EXO1: variants seen among roughly 807,000 people sequenced by gnomAD.
The protein encoded by EXO1 is exonuclease 1.
Under a neutral mutation model 84.5 loss-of-function variants are expected in EXO1, and 69 were observed. That is an observed-to-expected ratio of 0.82 (90% confidence interval 0.67 to 1.00). The LOEUF (loss-of-function observed/expected upper bound fraction) is 1.00. Ranked by LOEUF, EXO1 falls within the 50% of genes least tolerant of loss-of-function variation. The probability of loss-of-function intolerance (pLI) is 0.00; values close to 1 mark genes in which losing one functional copy is unlikely to be tolerated. For synonymous variants in EXO1, 373 were observed against 366.1 expected (o/e 1.02, Z -0.21); for missense variants, 1,045 against 1,000.7 (o/e 1.04, Z -0.60).
chr1:241,868,963 G>A (rs547169302), intron 11 of EXO1, among the ~76,000 whole-genome samples: 3 of 152,156 alleles, frequency 2.0e-5, no homozygotes, highest in East Asian at 1.9e-4. Context: ...CTCACGTCAC[G>A]TATTAGTTCT....
chr1:241,849,148 T>C lies in EXO1; in HGVS notation c.-86T>C, dbSNP rs1660509713. The C allele has an allele frequency of 6.6e-6, 1 of 152,088 alleles. No homozygotes were observed. The highest frequency in any genetic ancestry group is 1.5e-5 in the Non-Finnish European group (1 of 68,028). 9.4% of individuals were successfully genotyped at this position (152,088 alleles called of 1,614,324 possible). On this transcript the variant is annotated 5_prime_UTR_variant, in exon 3 of 16. Transcript: ENST00000366548. The stretch of plus-strand genomic sequence containing the variant: ...CCCAGTCACTGAGTGGAGTTGAGAG[T>C]CTAAGAACCTCTGAAATTTGAGAAC...
At chr1:241,864,125 C>A (rs1420462124) in intron 10 of EXO1, among the ~76,000 whole-genome samples, 1 of 151,998 alleles carries the variant, frequency 6.6e-6, no homozygotes, top group Non-Finnish European at 1.5e-5. Flanking sequence ...TTGAAGGGGC[C>A]CCGAAAAGCT....
rs552339018 is a variant in EXO1, at chr1:241,869,429, A to G, written c.1267+2374A>G. On this transcript the variant is annotated intron_variant, in intron 11 of 15. Coordinates refer to ENST00000366548, the MANE Select transcript of EXO1 (RefSeq NM_130398.4). ...GATGTTTAAAATGAAAAGAATGATT[A>G]TAATTGCTTCCTTCTCTCTTAACTT... 1.2e-4 allele frequency among the ~76,000 whole-genome samples: 18 copies of G among 152,352 alleles called. No homozygotes were observed. In the South Asian group the frequency reaches 1.7e-3, roughly 14 times the overall value.
At chr1:241,867,156 A>G (rs1173676643) in intron 11 of EXO1, 101 bp downstream of exon 11, 19 of 878,462 alleles carry the variant, frequency 2.2e-5, no homozygotes, top group Middle Eastern at 4.4e-4. Context: ...GTTTTCTCCT[A>G]GAAGTTTTAT....
rs185790601 is a variant in EXO1, at chr1:241,886,433, G to T, written c.2405+926G>T. Among the ~76,000 whole-genome samples the T allele has an allele frequency of 6.9e-3, 1,043 of 152,084 alleles. 10 individuals are homozygous for T. Among genetic ancestry groups the T allele is most frequent in the Middle Eastern group, 0.034 (10 of 292 alleles). On this transcript the variant is annotated intron_variant, in intron 15 of 15. Transcript: ENST00000366548. The stretch of plus-strand genomic sequence containing the variant: ...AAAAGAAATGTGCTGTTTAATAAAA[G>T]TTTTTTTTAATTATATGGAATGATA...
chr1:241,861,372 A>G lies in EXO1; in HGVS notation c.945-34A>G, dbSNP rs1311318832. The G allele has an allele frequency of 3.8e-6, 4 of 1,059,540 alleles. No homozygotes were observed. The Admixed American group carries it at 6.8e-5, about 18-fold the overall frequency. The allele number at this position is 1,059,540 out of a possible 1,614,324, so 65.6% of individuals were successfully genotyped here. The stretch of plus-strand genomic sequence containing the variant: ...TATAATATCATTTGGTTGGTTGTTA[A>G]TAAATACATTTTTCCTTAATCTTGC... On this transcript the variant is annotated intron_variant, in intron 9 of 15. Transcript: ENST00000366548.
intron 7 of EXO1, among the ~76,000 whole-genome samples, chr1:241,858,072 A>T (rs1661164841): frequency 6.6e-6 from 1 of 152,216 alleles, no homozygotes; most frequent in Admixed American, 6.5e-5. Context: ...GGGAATAGGG[A>T]TGACTTGTTT....
chr1:241,878,085 C>G (rs186495784), intron 12 of EXO1, among the ~76,000 whole-genome samples: 10 of 152,338 alleles, frequency 6.6e-5, no homozygotes, highest in Middle Eastern at 3.4e-3. Context: ...CCTGCCCTCA[C>G]AGAGTTTATC....
Position 241,878,848 on chromosome 1 carries a change from T to C in EXO1, c.1614T>C (p.His538=). Residue 538 remains histidine, a synonymous_variant, in exon 13 of 16, where the codon CAT becomes CAC. Coordinates refer to ENST00000366548, the MANE Select transcript of EXO1 (RefSeq NM_130398.4). Reference sequence around the variant, plus strand: ...TCACAGATAAAGAGAACAATCTGCATGAATCAGAGTATGGAGACCAAGAAG... The same window carrying C: ...TCACAGATAAAGAGAACAATCTGCACGAATCAGAGTATGGAGACCAAGAAG... The part of the protein sequence containing the change: ...TAVTDKENNL[H]ESEYGDQEGK... 1 of 1,614,070 alleles carries C rather than the reference T, an allele frequency of 6.2e-7. No homozygotes were observed. The highest frequency in any genetic ancestry group is 8.5e-7 in the Non-Finnish European group (1 of 1,179,942).
At chr1:241,850,659 A>G in intron 4 of EXO1, 73 bp downstream of exon 4, 1 of 1,264,464 alleles carries the variant, frequency 7.9e-7, no homozygotes, top group Non-Finnish European at 1.1e-6. Context: ...TCTCCCCCAG[A>G]AACGGATTGT....
intron 11 of EXO1, among the ~76,000 whole-genome samples, chr1:241,867,385 T>G (rs1661810572): frequency 6.6e-6 from 1 of 152,154 alleles, no homozygotes. Context: ...CTCATGAGAC[T>G]TATTCACTAC....
intron 12 of EXO1, among the ~76,000 whole-genome samples, chr1:241,872,984 A>G (rs965684293): frequency 6.6e-6 from 1 of 152,030 alleles, no homozygotes. Flanking sequence ...GTGTAAAAGC[A>G]TTCCTATTTC....
At position 241,881,927 on chromosome 1, in the gene EXO1, C is replaced by A; in HGVS notation, c.2121C>A (p.Cys707Ter). Residue 707 changes from cysteine to a stop codon, truncating the protein, a stop_gained, in exon 14 of 16, where the codon TGC becomes TGA. Transcript: ENST00000366548. LOFTEE classifies it high-confidence loss of function. ...SKDSDSEESDCNIKLLDSQSD... is the reference protein window; with the variant it reads ...SKDSDSEESD The stretch of plus-strand genomic sequence containing the variant: ...TCTGGGGACTCTAGGAATCTGATTG[C>A]AATATTAAGTTACTTGACAGTCAAA... 1.3e-6 allele frequency: 2 copies of A among 1,543,464 alleles called. No individual in the cohort carries two copies. Among genetic ancestry groups the A allele is most frequent in the Non-Finnish European group, 1.8e-6 (2 of 1,119,856 alleles).
At chr1:241,853,697 A>C (rs1660792341) in intron 6 of EXO1, among the ~76,000 whole-genome samples, 1 of 151,914 alleles carries the variant, frequency 6.6e-6, no homozygotes, top group African/African-American at 2.4e-5. Flanking sequence ...TCTCTCTTTT[A>C]AGTCATGTTA....
chr1:241,859,656 C>T (rs1661261654), intron 8 of EXO1, among the ~76,000 whole-genome samples: 1 of 152,096 alleles, frequency 6.6e-6, no homozygotes, highest in African/African-American at 2.4e-5. Flanking sequence ...AAATCTGAAA[C>T]ACTTCTGGTG....
At chr1:241,880,061 A>G (rs762991478) in intron 13 of EXO1, among the ~76,000 whole-genome samples, 4 of 151,998 alleles carry the variant, frequency 2.6e-5, no homozygotes, top group African/African-American at 9.7e-5. Flanking sequence ...TGTTAATGCA[A>G]TGGTATTCAT....
At chr1:241,879,516 A>T (rs1013903282) in intron 13 of EXO1, among the ~76,000 whole-genome samples, 173 bp downstream of exon 13, 4 of 152,210 alleles carry the variant, frequency 2.6e-5, no homozygotes, top group Non-Finnish European at 5.9e-5. Context: ...ACTTCTCTGT[A>T]TCTTTCACAT....
Position 241,861,492 on chromosome 1 carries a change from A to G in EXO1, c.1031A>G (p.Asp344Gly), listed in dbSNP as rs376803522. 7.0e-6 allele frequency: 11 copies of G among 1,564,654 alleles called. No individual in the cohort carries two copies. The highest frequency in any genetic ancestry group is 1.4e-5 in the African/African-American group (1 of 73,972). ...TFEQIDDYNP[D>G]TAMPAHSRSH... The stretch of plus-strand genomic sequence containing the variant: ...GAACAGATCGATGACTACAATCCAG[A>G]CACTGCTATGGTAACGTTTTGATGA... The change falls in exon 10 of 16, where the codon GAC becomes GGC. Residue 344 changes from aspartate (D) to glycine (G), a missense_variant. Coordinates refer to ENST00000366548, the MANE Select transcript of EXO1 (RefSeq NM_130398.4).
chr1:241,878,495 C>A (rs79088956), intron 12 of EXO1, among the ~76,000 whole-genome samples: 1,221 of 129,360 alleles, frequency 9.4e-3, no homozygotes, highest in Admixed American at 0.012. Flanking sequence ...GACTCTGTCT[C>A]AAAAAAAAAA....
Sources: gnomAD v4.1 joint callset for allele counts (sites outside exome capture counted in the v4.1 genomes callset) on GRCh38, gnomAD v4.1.1 for gene constraint, MANE v1.5 for transcripts, NCBI Gene and HGNC (gene_info 2026-07-23, HGNC 2026-07-21) for gene names.